KLF8: variants seen among roughly 807,000 people sequenced by gnomAD.
The protein encoded by KLF8 is KLF transcription factor 8.
In KLF8, 10 loss-of-function variants were observed where a neutral mutation model predicts 18.2. The observed-to-expected ratio is 0.55, with a 90% confidence interval of 0.34 to 0.93. The LOEUF (loss-of-function observed/expected upper bound fraction) is 0.93. Among genes scored for constraint, KLF8 ranks in the 40% least tolerant of loss-of-function variants. The pLI is 0.02. For missense variants in KLF8, 264 were observed against 277.9 expected, an observed-to-expected ratio of 0.95 and a Z score of 0.36; for synonymous variants, 109 against 97.3, an observed-to-expected ratio of 1.12 and a Z score of -0.71.
the KLF8 span, among the ~76,000 whole-genome samples, chrX:56,092,278 C>G: frequency 1.8e-5 from 2 of 111,912 alleles, no homozygotes; most frequent in Admixed American, 9.5e-5. Flanking sequence ...TTTCTGTTCA[C>G]TCTGCTGATT....
At chrX:56,163,676 TC>T in the KLF8 span, among the ~76,000 whole-genome samples, 3 of 111,979 alleles carry the variant, frequency 2.7e-5, no homozygotes, top group African/African-American at 9.7e-5. Flanking sequence ...CTTTGCCCAC[TC>T]CTATGTCCTC....
chrX:56,213,304 C>G, the KLF8 span, among the ~76,000 whole-genome samples: 3 of 31,392 alleles, frequency 9.6e-5, no homozygotes, highest in African/African-American at 2.3e-4. Flanking sequence ...CTTTTCTTTT[C>G]TTTTCTTTTC....
At chrX:56,271,193 A>T (rs986640727) in intron 5 of KLF8, among the ~76,000 whole-genome samples, 1 of 110,946 alleles carries the variant, frequency 9.0e-6, no homozygotes, top group African/African-American at 3.3e-5. Flanking sequence ...TTCGTTATCC[A>T]CCCGATGGGT....
the KLF8 span, among the ~76,000 whole-genome samples, chrX:56,206,009 C>T: frequency 1.8e-5 from 2 of 111,659 alleles, no homozygotes; most frequent in Non-Finnish European, 1.9e-5. Flanking sequence ...AGCAAAGTCA[C>T]GTCTTACATA....
chrX:55,955,078 C>A, the KLF8 span, among the ~76,000 whole-genome samples: 1 of 111,244 alleles, frequency 9.0e-6, no homozygotes, highest in Non-Finnish European at 1.9e-5. Flanking sequence ...GAGAGTTGTA[C>A]AACTTCAAAT....
the KLF8 span, among the ~76,000 whole-genome samples, chrX:55,982,728 T>C: frequency 8.9e-6 from 1 of 111,901 alleles, no homozygotes; most frequent in East Asian, 2.8e-4. Flanking sequence ...CCCACAGAGT[T>C]AAGTGAGAAT....
At chrX:56,168,367 G>T in the KLF8 span, among the ~76,000 whole-genome samples, 2 of 112,081 alleles carry the variant, frequency 1.8e-5, no homozygotes, top group Non-Finnish European at 3.8e-5. Context: ...TCTGTGCACT[G>T]AAAACTGTAA....
chrX:56,188,053 G>T, the KLF8 span, among the ~76,000 whole-genome samples: 5 of 110,804 alleles, frequency 4.5e-5, no homozygotes, highest in Non-Finnish European at 9.5e-5. Flanking sequence ...GAAATAAAGG[G>T]TATTCAATTA....
intron 3 of KLF8, chrX:56,268,406 G>A (rs1378285262): frequency 8.9e-6 from 1 of 111,743 alleles, no homozygotes; most frequent in African/African-American, 3.3e-5. Context: ...GCTATAACTA[G>A]TTTACATTCC....
chrX:56,235,416 AT>A (rs58959695), intron 1 of KLF8, among the ~76,000 whole-genome samples: 21 of 87,641 alleles, frequency 2.4e-4, no homozygotes, highest in Admixed American at 5.5e-4. Context: ...ATTCTTCCTG[AT>A]TTTTTTTTTT....
chrX:56,166,757 G>T, the KLF8 span, among the ~76,000 whole-genome samples: 1 of 111,714 alleles, frequency 9.0e-6, no homozygotes, highest in Admixed American at 9.5e-5. Context: ...ACTGTTAACT[G>T]CCCAGCTAAT....
chrX:56,031,316 T>C, the KLF8 span, among the ~76,000 whole-genome samples: 1 of 111,444 alleles, frequency 9.0e-6, no homozygotes, highest in Non-Finnish European at 1.9e-5. Context: ...TTAAGCCAAG[T>C]CAAAACCAAA....
At chrX:56,144,701 C>A in the KLF8 span, among the ~76,000 whole-genome samples, 6 of 100,575 alleles carry the variant, frequency 6.0e-5, no homozygotes, top group Admixed American at 1.1e-4. Context: ...TGCAGTCAGC[C>A]GAGATGGTGC....
At chrX:56,183,259 C>T in the KLF8 span, among the ~76,000 whole-genome samples, 1 of 112,256 alleles carries the variant, frequency 8.9e-6, no homozygotes, top group African/African-American at 3.2e-5. Context: ...GGGCAAGGGA[C>T]ACTCTAAGCC....
chrX:56,250,385 C>A (rs2066690477), intron 2 of KLF8, 81 bp downstream of exon 2: 1 of 719,456 alleles, frequency 1.4e-6, no homozygotes, highest in Non-Finnish European at 2.1e-6. Context: ...AATTTAAACT[C>A]ATTTTTCTTT....
At position 56,239,239 on chromosome X, in the gene KLF8, G is replaced by C. The variant is rs192630905; in HGVS notation, c.7+5898G>C. 3.6e-5 allele frequency among the ~76,000 whole-genome samples: 4 copies of C among 111,393 alleles called. No homozygotes were observed. In the East Asian group the frequency reaches 1.1e-3, roughly 31 times the overall value. On this transcript the variant is annotated intron_variant, in intron 1 of 5. Transcript: ENST00000468660. ...TGGGATCTCAAACTTAAATCTCCAGGGCCCAGTAAAATGAGAAAAGCATGC... is the reference window on the plus strand; with the variant it reads ...TGGGATCTCAAACTTAAATCTCCAGCGCCCAGTAAAATGAGAAAAGCATGC...
At chrX:56,146,536 G>C in the KLF8 span, among the ~76,000 whole-genome samples, 25 of 110,610 alleles carry the variant, frequency 2.3e-4, no homozygotes, top group East Asian at 7.1e-3. Flanking sequence ...CACAGGGAGG[G>C]GAACATCACA....
At chrX:55,971,543 A>C in the KLF8 span, among the ~76,000 whole-genome samples, 1 of 111,075 alleles carries the variant, frequency 9.0e-6, no homozygotes, top group Non-Finnish European at 1.9e-5. Flanking sequence ...CATGCATCTA[A>C]AACAAAAATG....
the KLF8 span, among the ~76,000 whole-genome samples, chrX:56,160,746 ATCT>A: frequency 9.0e-6 from 1 of 110,930 alleles, no homozygotes; most frequent in Non-Finnish European, 1.9e-5. Flanking sequence ...TGCTTGGCAG[ATCT>A]TCTTCCATCC....
Sources: gnomAD v4.1 joint callset for allele counts (sites outside exome capture counted in the v4.1 genomes callset) on GRCh38, gnomAD v4.1.1 for gene constraint, MANE v1.5 for transcripts, NCBI Gene and HGNC (gene_info 2026-07-23, HGNC 2026-07-21) for gene names.